Variants in CNNM2 observed in about 807,000 individuals in gnomAD.
The protein encoded by CNNM2 is metal transporter CNNM2.
In CNNM2, 12 loss-of-function variants were observed where a neutral mutation model predicts 66.9. That is an observed-to-expected ratio of 0.18 (90% confidence interval 0.11 to 0.29). The LOEUF is 0.29. Ranked by LOEUF, CNNM2 falls within the 10% of genes least tolerant of loss-of-function variation. CNNM2 has a pLI of 1.00. For synonymous variants in CNNM2, 557 were observed against 501.8 expected (o/e 1.11, Z -1.47); for missense variants, 705 against 1,167.7 (o/e 0.60, Z 5.77).
At chr10:103,020,547 TACA>T (rs1397594007) in intron 1 of CNNM2, among the ~76,000 whole-genome samples, 3 of 152,230 alleles carry the variant, frequency 2.0e-5, no homozygotes, top group Admixed American at 2.0e-4. Context: ...GCTTTGGGAA[TACA>T]ACAATAAACA....
At chr10:103,052,897 C>T (rs1837336754) in intron 2 of CNNM2, among the ~76,000 whole-genome samples, 2 of 152,208 alleles carry the variant, frequency 1.3e-5, no homozygotes, top group South Asian at 2.1e-4. Flanking sequence ...GTATTGATTT[C>T]TACTGTCTGG....
intron 1 of CNNM2, among the ~76,000 whole-genome samples, chr10:102,963,620 T>C (rs949422866): frequency 1.3e-5 from 2 of 151,846 alleles, no homozygotes; most frequent in African/African-American, 4.8e-5. Flanking sequence ...TCATTATTAT[T>C]GTAAACAGTT....
chr10:102,971,389 T>C (rs2063545281), intron 1 of CNNM2, among the ~76,000 whole-genome samples: 1 of 152,072 alleles, frequency 6.6e-6, no homozygotes, highest in Non-Finnish European at 1.5e-5. Flanking sequence ...CTGTGTAACA[T>C]AGATAATTTT....
chr10:103,027,993 A>G (rs1439472352), intron 1 of CNNM2, among the ~76,000 whole-genome samples: 1 of 152,182 alleles, frequency 6.6e-6, no homozygotes, highest in East Asian at 1.9e-4. Context: ...ATACTTGTCT[A>G]ATTTTAAAGT....
intron 2 of CNNM2, among the ~76,000 whole-genome samples, chr10:103,050,251 G>T (rs1232805807): frequency 6.6e-6 from 1 of 152,112 alleles, no homozygotes; most frequent in African/African-American, 2.4e-5. Flanking sequence ...TGAATGGGAG[G>T]CCGGGCGTGG....
intron 1 of CNNM2, among the ~76,000 whole-genome samples, chr10:102,954,081 G>C (rs1846939979): frequency 6.6e-6 from 1 of 150,746 alleles, no homozygotes; most frequent in African/African-American, 2.4e-5. Flanking sequence ...CCAAACCACT[G>C]TGCTATTTTC....
At position 102,944,581 on chromosome 10, in the gene CNNM2, CGTGT is replaced by C. The variant is rs148795286; in HGVS notation, c.1621+24513_1621+24516del. Among the ~76,000 whole-genome samples the C allele has an allele frequency of 1.2e-3, 178 of 143,484 alleles. No individual in the cohort carries two copies. Among genetic ancestry groups the C allele is most frequent in the Non-Finnish European group, 1.6e-3 (109 of 66,150 alleles). The allele number at this position is 143,484 out of a possible 152,430, so 94.1% of individuals were successfully genotyped here. On this transcript the variant is annotated intron_variant, in intron 1 of 7. Coordinates refer to ENST00000369878, the MANE Select transcript of CNNM2 (RefSeq NM_017649.5). ...ATATTTTGCCATATTTGTATCTTTTCGTGTGTGTGTGTGTGTGTGTGTGTGTGTG... is the reference window on the plus strand; with the variant it reads ...ATATTTTGCCATATTTGTATCTTTTCGTGTGTGTGTGTGTGTGTGTGTGTG...
chr10:102,990,452 A>T (rs1321357299), intron 1 of CNNM2, among the ~76,000 whole-genome samples: 1 of 152,242 alleles, frequency 6.6e-6, no homozygotes, highest in Non-Finnish European at 1.5e-5. Flanking sequence ...AGTTTAAGAA[A>T]ACTGAAGAGC....
intron 1 of CNNM2, among the ~76,000 whole-genome samples, chr10:103,041,164 C>T (rs1002263557): frequency 6.6e-6 from 1 of 152,114 alleles, no homozygotes; most frequent in Non-Finnish European, 1.5e-5. Flanking sequence ...ACCTATTCCC[C>T]GTTCCTGTCT....
intron 1 of CNNM2, among the ~76,000 whole-genome samples, chr10:103,003,933 G>C (rs1564841034): frequency 6.7e-6 from 1 of 148,560 alleles, no homozygotes; most frequent in Admixed American, 6.8e-5. Context: ...ATATTTGTGA[G>C]TTGTATTGTA....
intron 1 of CNNM2, among the ~76,000 whole-genome samples, chr10:102,966,120 C>T (rs958483309): frequency 6.6e-6 from 1 of 152,072 alleles, no homozygotes; most frequent in African/African-American, 2.4e-5. Context: ...ATTCAGTTGT[C>T]AAATTTGCTT....
Position 103,090,157 on chromosome 10 carries a change from CT to C in CNNM2, c.*12980del, listed in dbSNP as rs2066355535. The C allele has an allele frequency of 1.4e-5, 6 of 425,772 alleles. No individual in the cohort carries two copies. Among genetic ancestry groups the C allele is most frequent in the Non-Finnish European group, 2.1e-5 (5 of 241,366 alleles). The allele number at this position is 425,772 out of a possible 1,614,324, so 26.4% of individuals were successfully genotyped here. On this transcript the variant is annotated 3_prime_UTR_variant, in exon 8 of 8. Coordinates refer to ENST00000369878, the MANE Select transcript of CNNM2 (RefSeq NM_017649.5). ...TGGAAAAGATGGAGAGGGGAGTTTA[CT>C]TTCTATTTTACAGCAAAAACAAGAT... is the stretch of plus-strand genomic sequence containing the variant.
At chr10:103,064,683 T>C (rs534213814) in intron 4 of CNNM2, among the ~76,000 whole-genome samples, 3 of 152,058 alleles carry the variant, frequency 2.0e-5, no homozygotes, top group East Asian at 3.9e-4. Flanking sequence ...TATAAAAAAA[T>C]AGAAAAATTA....
At chr10:102,962,828 T>G (rs936662028) in intron 1 of CNNM2, among the ~76,000 whole-genome samples, 2 of 151,942 alleles carry the variant, frequency 1.3e-5, no homozygotes, top group African/African-American at 4.8e-5. Flanking sequence ...TTTCCAAAAT[T>G]TCTTCCGTGA....
rs958114737 is a variant in CNNM2, at chr10:103,054,219, T to G, written c.1766-110T>G. 12 of 1,280,540 alleles carry G rather than the reference T, an allele frequency of 9.4e-6. No homozygotes were observed. The highest frequency in any genetic ancestry group is 1.3e-5 in the Non-Finnish European group (12 of 928,512). The allele number at this position is 1,280,540 out of a possible 1,614,324, so 79.3% of individuals were successfully genotyped here. On this transcript the variant is annotated intron_variant, in intron 2 of 7. Transcript: ENST00000369878. This position sits in a 1 kb window ranked among gnomAD's most constrained non-coding sequence, Gnocchi z 5.2. The stretch of plus-strand genomic sequence containing the variant: ...CATCTGTGCATAGAGCGCCTGCATC[T>G]GGAAATACAGTCCAGCTCTTCCAAT...
chr10:102,968,573 A>T (rs1431677409), intron 1 of CNNM2, among the ~76,000 whole-genome samples: 1 of 150,332 alleles, frequency 6.7e-6, no homozygotes, highest in East Asian at 2.0e-4. Flanking sequence ...AACACTTGGC[A>T]TGTGAGTTAT....
chr10:103,062,742 T>C (rs1182756989), intron 4 of CNNM2, among the ~76,000 whole-genome samples: 1 of 152,222 alleles, frequency 6.6e-6, no homozygotes, highest in Non-Finnish European at 1.5e-5. Flanking sequence ...CCTCCAGCCC[T>C]TTGCCAAATT....
chr10:102,979,266 G>A (rs1180839931), intron 1 of CNNM2, among the ~76,000 whole-genome samples: 1 of 152,158 alleles, frequency 6.6e-6, no homozygotes, highest in Non-Finnish European at 1.5e-5. Flanking sequence ...CCTATTATTT[G>A]TTGTTTGAAA....
At chr10:103,030,093 G>A (rs1019363347) in intron 1 of CNNM2, among the ~76,000 whole-genome samples, 3 of 152,130 alleles carry the variant, frequency 2.0e-5, no homozygotes, top group Non-Finnish European at 2.9e-5. Flanking sequence ...ATGGCAAAGA[G>A]AACAGTGAAA....
Sources: gnomAD v4.1 joint callset for allele counts (sites outside exome capture counted in the v4.1 genomes callset) on GRCh38, gnomAD v4.1.1 for gene constraint, Gnocchi (gnomAD v3.1) non-coding constraint, MANE v1.5 for transcripts, NCBI Gene and HGNC (gene_info 2026-07-23, HGNC 2026-07-21) for gene names.